The following PCBD2 variants were observed in gnomAD, a reference collection of about 807,000 sequenced individuals.
PCBD2 encodes the protein pterin-4-alpha-carbinolamine dehydratase 2.
PCBD2 carries 12 observed loss-of-function variants against 16.4 expected under a neutral mutation model. The ratio of observed to expected loss-of-function variants is 0.73; its 90% CI spans 0.47 to 1.19. The LOEUF (loss-of-function observed/expected upper bound fraction) is 1.19, where lower values mean the gene tolerates loss of function less well. Among genes scored for constraint, PCBD2 ranks in the 50% most tolerant of loss-of-function variants. The pLI is 0.00. For synonymous variants in PCBD2, 58 were observed against 61.8 expected (o/e 0.94, Z 0.29); for missense variants, 138 against 156.8 (o/e 0.88, Z 0.64).
chr5:134,912,559 T>C (rs1309937694), intron 2 of PCBD2, among the ~76,000 whole-genome samples: 2 of 152,156 alleles, frequency 1.3e-5, no homozygotes, highest in African/African-American at 4.8e-5. Flanking sequence ...AAATCGTATC[T>C]ATAGGGAGAG....
intron 2 of PCBD2, among the ~76,000 whole-genome samples, chr5:134,957,912 C>T (rs1405278089): frequency 5.3e-5 from 8 of 152,080 alleles, no homozygotes; most frequent in Admixed American, 2.6e-4. Flanking sequence ...AAATTGGCTC[C>T]GAGAGAGGTA....
chr5:134,935,086 C>T (rs953933071), intron 2 of PCBD2, among the ~76,000 whole-genome samples: 3 of 152,186 alleles, frequency 2.0e-5, no homozygotes, highest in Admixed American at 6.5e-5. Flanking sequence ...CGGAAACCAA[C>T]CCATTTGTGA....
chr5:134,919,824 C>A (rs951483528), intron 2 of PCBD2, among the ~76,000 whole-genome samples: 1 of 152,190 alleles, frequency 6.6e-6, no homozygotes, highest in Non-Finnish European at 1.5e-5. Context: ...TATGCCTGCC[C>A]ACCGCTTCAG....
intron 2 of PCBD2, among the ~76,000 whole-genome samples, chr5:134,944,676 T>C (rs1228760358): frequency 1.3e-5 from 2 of 152,178 alleles, no homozygotes; most frequent in Non-Finnish European, 2.9e-5. Flanking sequence ...CTGTTTTCTA[T>C]CTTATAAACC....
chr5:134,910,598 G>A (rs932997283), intron 2 of PCBD2, 132 bp downstream of exon 2: 2 of 1,140,808 alleles, frequency 1.8e-6, no homozygotes, highest in Non-Finnish European at 2.5e-6. Flanking sequence ...TAAGAATTCA[G>A]TGATAGAGTG....
At chr5:134,934,892 T>C (rs563691237) in intron 2 of PCBD2, among the ~76,000 whole-genome samples, 1 of 152,252 alleles carries the variant, frequency 6.6e-6, no homozygotes, top group Non-Finnish European at 1.5e-5. Context: ...CTGTCAAGAC[T>C]GTTAAAAAAC....
chr5:134,932,721 C>T (rs1046163851), intron 2 of PCBD2, among the ~76,000 whole-genome samples: 1 of 152,036 alleles, frequency 6.6e-6, no homozygotes, highest in Non-Finnish European at 1.5e-5. Context: ...TGGCCTCAAG[C>T]GATCCTCCCA....
intron 2 of PCBD2, among the ~76,000 whole-genome samples, chr5:134,941,584 A>G (rs528036800): frequency 7.0e-4 from 106 of 152,300 alleles, no homozygotes; most frequent in African/African-American, 2.4e-3. Flanking sequence ...AATGGTTTCT[A>G]AAAGAGACAG....
chr5:134,936,991 A>G (rs1751167719), intron 2 of PCBD2, among the ~76,000 whole-genome samples: 1 of 152,222 alleles, frequency 6.6e-6, no homozygotes, highest in African/African-American at 2.4e-5. Context: ...AAATGAGCCA[A>G]TTTTATAGCA....
In PCBD2 at chr5:134,960,826, G is replaced by T; in HGVS notation, c.*145G>T. 1.6e-6 allele frequency: 1 copy of T among 636,372 alleles called. No individual in the cohort carries two copies. The highest frequency in any genetic ancestry group is 2.7e-6 in the Non-Finnish European group (1 of 376,008). 39.4% of individuals were successfully genotyped at this position (636,372 alleles called of 1,614,324 possible). ...CTGTCGCCCAGGCCAGAGTGCAGTG[G>T]TATGATCTCGGCTCACTGTAACCTC... On this transcript the variant is annotated 3_prime_UTR_variant, in exon 4 of 4. Coordinates refer to ENST00000254908, the MANE Select transcript of PCBD2 (RefSeq NM_032151.5).
chr5:134,926,078 T>C (rs1750990371), intron 2 of PCBD2: 1 of 354,818 alleles, frequency 2.8e-6, no homozygotes. Context: ...AGGATTAGTA[T>C]GGTGATTAGG....
intron 2 of PCBD2, among the ~76,000 whole-genome samples, chr5:134,956,666 G>T (rs1464549301): frequency 6.6e-6 from 1 of 152,142 alleles, no homozygotes; most frequent in Non-Finnish European, 1.5e-5. Flanking sequence ...TTATCTGTTC[G>T]TTTGCTCTAC....
chr5:134,905,763 TGGA>T (rs1210043703), intron 1 of PCBD2: 1 of 152,418 alleles, frequency 6.6e-6, no homozygotes, highest in Non-Finnish European at 1.5e-5. Flanking sequence ...TTGGAGTAAA[TGGA>T]GGGAAAGTTT....
chr5:134,960,189 G>A (rs1277629422), intron 3 of PCBD2, among the ~76,000 whole-genome samples: 2 of 152,018 alleles, frequency 1.3e-5, no homozygotes, highest in African/African-American at 2.4e-5. Context: ...CTTTTTAAAC[G>A]TTGCTGCTAA....
At chr5:134,911,976 C>G (rs546322507) in intron 2 of PCBD2, among the ~76,000 whole-genome samples, 3 of 152,154 alleles carry the variant, frequency 2.0e-5, no homozygotes, top group Non-Finnish European at 4.4e-5. Context: ...TAAACCTGGC[C>G]TAATTTATTG....
At chr5:134,916,613 A>C (rs1750836243) in intron 2 of PCBD2, among the ~76,000 whole-genome samples, 1 of 152,258 alleles carries the variant, frequency 6.6e-6, no homozygotes, top group African/African-American at 2.4e-5. Flanking sequence ...AATAGCCCCC[A>C]AAACACATTT....
At chr5:134,951,496 A>T (rs531795783) in intron 2 of PCBD2, among the ~76,000 whole-genome samples, 1 of 152,294 alleles carries the variant, frequency 6.6e-6, no homozygotes, top group South Asian at 2.1e-4. Flanking sequence ...CTTGTAATTT[A>T]TGAGTATGTC....
chr5:134,958,336 C>A (rs186344912), intron 2 of PCBD2, among the ~76,000 whole-genome samples: 1 of 152,216 alleles, frequency 6.6e-6, no homozygotes, highest in Non-Finnish European at 1.5e-5. Context: ...GACAGAGCCC[C>A]GTCAGTCCAC....
chr5:134,950,967 A>G (rs772271626), intron 2 of PCBD2, among the ~76,000 whole-genome samples: 4 of 152,222 alleles, frequency 2.6e-5, no homozygotes, highest in Non-Finnish European at 5.9e-5. Context: ...AAAATATTTT[A>G]ATGTGAACCA....
Sources: gnomAD v4.1 joint callset for allele counts (sites outside exome capture counted in the v4.1 genomes callset) on GRCh38, gnomAD v4.1.1 for gene constraint, MANE v1.5 for transcripts, NCBI Gene and HGNC (gene_info 2026-07-23, HGNC 2026-07-21) for gene names.